Variants in INIP observed in about 807,000 individuals in gnomAD.
The protein encoded by INIP is INTS3 and NABP interacting protein, also known as SOSS complex subunit C.
In INIP, 9 loss-of-function variants were observed where a neutral mutation model predicts 14.0. The ratio of observed to expected loss-of-function variants is 0.64; its 90% CI spans 0.39 to 1.12. The LOEUF is 1.12. Ranked by LOEUF, INIP falls within the 50% of genes most tolerant of loss-of-function variation. The pLI is 0.01. For missense variants in INIP, 78 were observed against 122.7 expected (o/e 0.64, Z 1.72); for synonymous variants, 37 against 41.5 (o/e 0.89, Z 0.41).
chr9:112,717,669 C>T (rs565894686), intron 1 of INIP, among the ~76,000 whole-genome samples: 1 of 152,260 alleles, frequency 6.6e-6, no homozygotes, highest in African/African-American at 2.4e-5. Flanking sequence ...AAACAGACAC[C>T]GGTTTTTAGT....
At position 112,687,418 on chromosome 9, in the gene INIP, G is replaced by C; in HGVS notation, c.*120C>G. 1.6e-6 allele frequency: 1 copy of C among 629,446 alleles called. No individual in the cohort carries two copies. The highest frequency in any genetic ancestry group is 2.9e-6 in the Non-Finnish European group (1 of 348,500). 39.0% of individuals were successfully genotyped at this position (629,446 alleles called of 1,614,324 possible). A position where few individuals can be genotyped will look rare whatever the true frequency, so the allele number is the denominator to read the frequency against. ...TTCACTTACACATTCCTTTCTTTCA[G>C]ACAAACAAAAAATATCAAAGTTCAC... On this transcript the variant is annotated 3_prime_UTR_variant, in exon 5 of 5. Coordinates refer to ENST00000374242, the MANE Select transcript of INIP (RefSeq NM_021218.3).
At chr9:112,689,822 G>A (rs997263845) in intron 3 of INIP, among the ~76,000 whole-genome samples, 3 of 151,950 alleles carry the variant, frequency 2.0e-5, no homozygotes, top group East Asian at 1.9e-4. Flanking sequence ...CCATCACCTC[G>A]CATACTTACC....
intron 4 of INIP, among the ~76,000 whole-genome samples, chr9:112,688,017 T>TGGAGCTTGCAGTGAGC (rs1837741814): frequency 6.6e-6 from 1 of 151,528 alleles, no homozygotes; most frequent in Non-Finnish European, 1.5e-5. Context: ...ACCTGGGAGG[T>TGGAGCTTGCAGTGAGC]GGAGCTTGCA....
chr9:112,697,139 A>T (rs1284195551), intron 2 of INIP, among the ~76,000 whole-genome samples: 1 of 152,168 alleles, frequency 6.6e-6, no homozygotes, highest in Admixed American at 6.5e-5. Flanking sequence ...GAGTCATCAC[A>T]TTGAACAAAA....
In INIP at chr9:112,686,690, G is replaced by A. The variant is rs1187261217; in HGVS notation, c.*848C>T. ...TTTTTATACTTTTAGTAGAGACAGG[G>A]TTTCACCATGTTGGCCAGGCTGGTC... On this transcript the variant is annotated 3_prime_UTR_variant, in exon 5 of 5. Transcript: ENST00000374242. 1 of 152,162 alleles carries A rather than the reference G, an allele frequency of 6.6e-6. No individual in the cohort carries two copies. The highest frequency in any genetic ancestry group is 2.4e-5 in the African/African-American group (1 of 41,412). The allele number at this position is 152,162 out of a possible 1,614,324, so 9.4% of individuals were successfully genotyped here. A position where few individuals can be genotyped will look rare whatever the true frequency, so the allele number is the denominator to read the frequency against.
rs535102946 is a variant in INIP at position 112,686,428 on chromosome 9, C to G, written c.*1110G>C. 1 of 152,256 alleles carries G rather than the reference C, an allele frequency of 6.6e-6. No homozygotes were observed. The highest frequency in any genetic ancestry group is 2.4e-5 in the African/African-American group (1 of 41,548). 9.4% of individuals were successfully genotyped at this position (152,256 alleles called of 1,614,324 possible). On this transcript the variant is annotated 3_prime_UTR_variant, in exon 5 of 5. Coordinates refer to ENST00000374242, the MANE Select transcript of INIP (RefSeq NM_021218.3). ...ACCCCAGATACTGCTAAAGATGGGT[C>G]ATGTTGAGAGACTTTCTTAACCTAA... is the stretch of plus-strand genomic sequence containing the variant.
chr9:112,713,543 A>G (rs1345317710), intron 2 of INIP, among the ~76,000 whole-genome samples: 2 of 152,142 alleles, frequency 1.3e-5, no homozygotes, highest in African/African-American at 4.8e-5. Flanking sequence ...AAATAAAAAC[A>G]TTAGCCAGGC....
intron 3 of INIP, among the ~76,000 whole-genome samples, chr9:112,690,653 G>T (rs1398698321): frequency 6.6e-6 from 1 of 152,194 alleles, no homozygotes; most frequent in Non-Finnish European, 1.5e-5. Flanking sequence ...GCCCCAGGGG[G>T]TAGACCTTGA....
intron 2 of INIP, among the ~76,000 whole-genome samples, chr9:112,695,787 G>A (rs1838060630): frequency 6.8e-6 from 1 of 146,812 alleles, no homozygotes; most frequent in Non-Finnish European, 1.5e-5. Context: ...GGAGGGGGAG[G>A]GGGAGGGGGA....
At chr9:112,699,839 T>A (rs1279773172) in intron 2 of INIP, among the ~76,000 whole-genome samples, 1 of 152,050 alleles carries the variant, frequency 6.6e-6, no homozygotes, top group Non-Finnish European at 1.5e-5. Context: ...TCTGATGGGG[T>A]AGTCTAATTA....
chr9:112,689,814 A>G (rs1318830961), intron 3 of INIP, among the ~76,000 whole-genome samples, 197 bp from the exon 4 acceptor site: 2 of 152,190 alleles, frequency 1.3e-5, no homozygotes, highest in Admixed American at 1.3e-4. Context: ...TAACATATCC[A>G]TCACCTCGCA....
At chr9:112,712,091 T>A (rs1408105834) in intron 2 of INIP, among the ~76,000 whole-genome samples, 2 of 152,156 alleles carry the variant, frequency 1.3e-5, no homozygotes, top group Non-Finnish European at 2.9e-5. Flanking sequence ...TAGCTTGAGG[T>A]GTCAGAGGAG....
chr9:112,707,270 A>T, intron 2 of INIP, among the ~76,000 whole-genome samples: 2 of 140,242 alleles, frequency 1.4e-5, no homozygotes, highest in African/African-American at 2.7e-5. Flanking sequence ...AAACCAAGCC[A>T]TGTTTAATAT....
At chr9:112,709,453 C>T (rs786960) in intron 2 of INIP, among the ~76,000 whole-genome samples, 62,298 of 151,746 alleles carry the variant, frequency 0.41, 12,994 homozygotes, top group Admixed American at 0.44. Flanking sequence ...CCACTTACTA[C>T]TGAATATTAG....
At chr9:112,699,176 A>T (rs1032673618) in intron 2 of INIP, among the ~76,000 whole-genome samples, 3 of 151,388 alleles carry the variant, frequency 2.0e-5, no homozygotes, top group Non-Finnish European at 4.4e-5. Context: ...TTTTTTTTCC[A>T]GTTAGGTGTG....
intron 2 of INIP, among the ~76,000 whole-genome samples, chr9:112,712,367 C>T (rs754034362): frequency 8.6e-5 from 13 of 151,848 alleles, no homozygotes; most frequent in Non-Finnish European, 1.8e-4. Context: ...TCTGCTAGAA[C>T]AAAAATCACA....
intron 3 of INIP, among the ~76,000 whole-genome samples, chr9:112,689,948 T>TATATAG (rs1182444885): frequency 2.0e-5 from 3 of 152,192 alleles, no homozygotes; most frequent in African/African-American, 7.2e-5. Context: ...AGTAAATCTC[T>TATATAG]TAAAGAGATG....
At chr9:112,693,745 T>C (rs950585116) in intron 3 of INIP, among the ~76,000 whole-genome samples, 7 of 152,194 alleles carry the variant, frequency 4.6e-5, no homozygotes, top group African/African-American at 1.7e-4. Context: ...ACTTGAATTA[T>C]TTGGTCCAAG....
In INIP at chr9:112,692,142, A is replaced by C. The variant is rs146652271; in HGVS notation, c.128+1989T>G. ...AAGGTTACAAGAGACCTAGGCAAGA[A>C]CATTTTCTTTGATGGAGGGCCTGGA... On this transcript the variant is annotated intron_variant, in intron 3 of 4. Coordinates refer to ENST00000374242, the MANE Select transcript of INIP (RefSeq NM_021218.3). 3.9e-3 allele frequency among the ~76,000 whole-genome samples: 600 copies of C among 152,368 alleles called. 3 individuals carry two copies. The highest frequency in any genetic ancestry group is 0.024 in the Middle Eastern group (7 of 294).
Sources: gnomAD v4.1 joint callset for allele counts (sites outside exome capture counted in the v4.1 genomes callset) on GRCh38, gnomAD v4.1.1 for gene constraint, MANE v1.5 for transcripts, NCBI Gene and HGNC (gene_info 2026-07-23, HGNC 2026-07-21) for gene names.